ATP11B: variants seen among roughly 807,000 people sequenced by gnomAD.
ATP11B encodes the protein ATPase phospholipid transporting 11B (putative).
A neutral mutation model predicts 157.8 loss-of-function variants in ATP11B; 81 were observed. The observed-to-expected ratio is 0.51, with a 90% CI of 0.43 to 0.62. The LOEUF (loss-of-function observed/expected upper bound fraction) is 0.62. Among genes scored for constraint, ATP11B ranks in the 20% least tolerant of loss-of-function variants. ATP11B has a pLI of 0.00. For synonymous variants in ATP11B, 451 were observed against 469.4 expected, an observed-to-expected ratio of 0.96 and a Z score of 0.51; for missense variants, 1,165 against 1,402.2, an observed-to-expected ratio of 0.83 and a Z score of 2.70.
At chr3:182,910,501 G>A (rs1724702509) in intron 28 of ATP11B, among the ~76,000 whole-genome samples, 1 of 152,168 alleles carries the variant, frequency 6.6e-6, no homozygotes, top group South Asian at 2.1e-4. Context: ...AGCCCAGGAG[G>A]TTGAGACTGC....
At chr3:182,827,087 A>G (rs1248909407) in intron 2 of ATP11B, among the ~76,000 whole-genome samples, 1 of 152,206 alleles carries the variant, frequency 6.6e-6, no homozygotes, top group Non-Finnish European at 1.5e-5. Context: ...TGTGCTAGAG[A>G]TAGAACAGTA....
At chr3:182,799,959 A>C (rs1715882770) in intron 1 of ATP11B, among the ~76,000 whole-genome samples, 1 of 152,144 alleles carries the variant, frequency 6.6e-6, no homozygotes, top group Non-Finnish European at 1.5e-5. Flanking sequence ...AAAAATTAAA[A>C]ATTAGCTGGG....
chr3:182,902,495 A>G (rs958376412), intron 28 of ATP11B: 1 of 1,289,336 alleles, frequency 7.8e-7, no homozygotes, highest in African/African-American at 1.5e-5. Context: ...ACTCCAACAC[A>G]GTTGCTTTAA....
chr3:182,799,906 G>C (rs1302094456), intron 1 of ATP11B, among the ~76,000 whole-genome samples: 1 of 152,118 alleles, frequency 6.6e-6, no homozygotes, highest in Non-Finnish European at 1.5e-5. Context: ...TGGGCCAGGA[G>C]TTTAAGGCCA....
At chr3:182,837,561 C>T (rs543429699) in intron 7 of ATP11B, among the ~76,000 whole-genome samples, 1 of 152,040 alleles carries the variant, frequency 6.6e-6, no homozygotes, top group African/African-American at 2.4e-5. Flanking sequence ...ATAGAGGATA[C>T]TGCTTTTAAA....
intron 11 of ATP11B, among the ~76,000 whole-genome samples, chr3:182,858,713 T>G (rs1720610743): frequency 6.6e-6 from 1 of 152,192 alleles, no homozygotes; most frequent in Non-Finnish European, 1.5e-5. Context: ...TAATCTGCAC[T>G]TAAGAGTTTT....
At chr3:182,905,707 G>A (rs527760442) in intron 28 of ATP11B, 9 of 448,490 alleles carry the variant, frequency 2.0e-5, no homozygotes, top group African/African-American at 1.8e-4. Flanking sequence ...GATTGTGAAT[G>A]CCAACTTGTT....
At chr3:182,796,773 AAG>A (rs1230376879) in intron 1 of ATP11B, among the ~76,000 whole-genome samples, 1 of 152,242 alleles carries the variant, frequency 6.6e-6, no homozygotes, top group African/African-American at 2.4e-5. Context: ...TGAGGAAAGA[AAG>A]AATGAATCTG....
intron 29 of ATP11B, chr3:182,915,616 A>AT (rs1254057430): frequency 3.1e-6 from 3 of 969,478 alleles, no homozygotes; most frequent in East Asian, 1.1e-4. Flanking sequence ...TTTGTTAATG[A>AT]TTTTTTTAAA....
At chr3:182,861,592 C>G (rs1249579648) in intron 12 of ATP11B, among the ~76,000 whole-genome samples, 1 of 152,102 alleles carries the variant, frequency 6.6e-6, no homozygotes, top group African/African-American at 2.4e-5. Flanking sequence ...ATGAGTGTGA[C>G]TCATAACACA....
At position 182,910,084 on chromosome 3, in the gene ATP11B, A is replaced by C. The variant is rs554888717; in HGVS notation, c.3319-3777A>C. Among the ~76,000 whole-genome samples the C allele has an allele frequency of 4.6e-5, 7 of 151,658 alleles. No individual in the cohort carries two copies. The South Asian group carries it at 1.5e-3, about 31-fold the overall frequency. ...AGACTCGGCCTCCAGAAAAAAAAAA[A>C]AAAAAAAAAAAGCAGCTGAGTTCTT... On this transcript the variant is annotated intron_variant, in intron 28 of 29. Transcript: ENST00000323116.
chr3:182,918,448 G>A lies in ATP11B; in HGVS notation c.*344G>A, dbSNP rs1264343017. The A allele has an allele frequency of 5.0e-6, 2 of 398,616 alleles. No homozygotes were observed. Among genetic ancestry groups the A allele is most frequent in the South Asian group, 1.3e-4 (1 of 7,894 alleles). 24.7% of individuals were successfully genotyped at this position (398,616 alleles called of 1,614,324 possible). ...ATGTAGAAAAAAGAGAGAAATCTTA[G>A]TAAAGAGTATTTTTTAGTATTAGCT... On this transcript the variant is annotated 3_prime_UTR_variant, in exon 30 of 30. Transcript: ENST00000323116.
At chr3:182,869,950 C>T (rs1315316394) in intron 17 of ATP11B, among the ~76,000 whole-genome samples, 1 of 152,182 alleles carries the variant, frequency 6.6e-6, no homozygotes, top group South Asian at 2.1e-4. Context: ...CCAATATATG[C>T]TACAACATGG....
intron 6 of ATP11B, 73 bp from the exon 7 acceptor site, chr3:182,836,998 A>G (rs1718602245): frequency 9.7e-7 from 1 of 1,034,558 alleles, no homozygotes; most frequent in South Asian, 1.4e-5. Context: ...CCTATAAAAG[A>G]GATTTGAAAT....
intron 10 of ATP11B, among the ~76,000 whole-genome samples, chr3:182,857,505 T>G (rs1418597471): frequency 6.6e-6 from 1 of 152,122 alleles, no homozygotes; most frequent in African/African-American, 2.4e-5. Context: ...TTTATAAAAT[T>G]TTAATGCTAT....
chr3:182,872,232 T>C, intron 17 of ATP11B, 124 bp from the exon 18 acceptor site: 1 of 668,710 alleles, frequency 1.5e-6, no homozygotes, highest in Non-Finnish European at 2.6e-6. Flanking sequence ...TGATAGTACT[T>C]TTTAAATGAT....
At chr3:182,869,536 G>A (rs1721495631) in intron 17 of ATP11B, among the ~76,000 whole-genome samples, 1 of 152,150 alleles carries the variant, frequency 6.6e-6, no homozygotes, top group Non-Finnish European at 1.5e-5. Context: ...TACAGTCGGG[G>A]CATTTCTGGT....
intron 25 of ATP11B, among the ~76,000 whole-genome samples, chr3:182,895,331 A>G (rs1276116163): frequency 6.6e-6 from 1 of 152,058 alleles, no homozygotes; most frequent in African/African-American, 2.4e-5. Context: ...AATGCTCTCA[A>G]ATAAAGGAAT....
Position 182,836,460 on chromosome 3 carries a change from C to CGGT in ATP11B, c.542_543insGGT (p.Thr181_Asn182insVal). The CGGT allele has an allele frequency of 6.2e-7, 1 of 1,613,946 alleles. No individual in the cohort carries two copies. The highest frequency in any genetic ancestry group is 8.5e-7 in the Non-Finnish European group (1 of 1,179,850). ...ACAACTGCTAGTTTGGACGGAGAAACTAACCTGAAGGTTTGCTTGCATATG... is the reference window on the plus strand; with the variant it reads ...ACAACTGCTAGTTTGGACGGAGAAACGGTTAACCTGAAGGTTTGCTTGCATATG... On this transcript the variant is annotated inframe_insertion, in exon 6 of 30. Transcript: ENST00000323116.
Sources: gnomAD v4.1 joint callset for allele counts (sites outside exome capture counted in the v4.1 genomes callset) on GRCh38, gnomAD v4.1.1 for gene constraint, MANE v1.5 for transcripts, NCBI Gene and HGNC (gene_info 2026-07-23, HGNC 2026-07-21) for gene names.